Variants in GALNTL6 observed in about 807,000 individuals in gnomAD.
The protein encoded by GALNTL6 is polypeptide N-acetylgalactosaminyltransferase like 6, also known as polypeptide N-acetylgalactosaminyltransferase-like 6.
In GALNTL6, 46 loss-of-function variants were observed where a neutral mutation model predicts 73.7. The observed-to-expected ratio is 0.62, with a 90% CI of 0.49 to 0.80. GALNTL6 has a LOEUF of 0.80. Ranked by LOEUF, GALNTL6 falls within the 30% of genes least tolerant of loss-of-function variation. GALNTL6 has a pLI of 0.00. For synonymous variants in GALNTL6, 259 were observed against 263.7 expected, an observed-to-expected ratio of 0.98 and a Z score of 0.17; for missense variants, 604 against 755.0, an observed-to-expected ratio of 0.80 and a Z score of 2.34.
chr4:172,629,904 A>C (rs888022923), intron 5 of GALNTL6, among the ~76,000 whole-genome samples: 1 of 152,204 alleles, frequency 6.6e-6, no homozygotes. Context: ...TCACATTAAG[A>C]GATCATTTAA....
intron 5 of GALNTL6, among the ~76,000 whole-genome samples, chr4:172,387,305 G>T (rs551743948): frequency 6.6e-6 from 1 of 152,164 alleles, no homozygotes; most frequent in South Asian, 2.1e-4. Flanking sequence ...TCAGCCTAAG[G>T]TTTCTTTCTT....
At chr4:172,435,720 G>T (rs1048915145) in intron 5 of GALNTL6, among the ~76,000 whole-genome samples, 1 of 152,062 alleles carries the variant, frequency 6.6e-6, no homozygotes, top group East Asian at 1.9e-4. Flanking sequence ...TATTGTACAT[G>T]GGATATAACG....
At chr4:171,990,666 G>A (rs1280479754) in intron 2 of GALNTL6, among the ~76,000 whole-genome samples, 1 of 152,074 alleles carries the variant, frequency 6.6e-6, no homozygotes, top group African/African-American at 2.4e-5. Flanking sequence ...GTTAATGGGT[G>A]GATGGAATGC....
chr4:171,818,598 T>TCCTCTATG (rs1348833345), intron 2 of GALNTL6, among the ~76,000 whole-genome samples: 2 of 149,498 alleles, frequency 1.3e-5, no homozygotes, highest in Non-Finnish European at 3.0e-5. Context: ...AAAGCCTAGG[T>TCCTCTATG]CCTCTATGTC....
intron 4 of GALNTL6, among the ~76,000 whole-genome samples, chr4:172,313,456 G>A (rs890039126): frequency 6.6e-6 from 1 of 152,096 alleles, no homozygotes; most frequent in Admixed American, 6.6e-5. Context: ...ATCTCTTAAT[G>A]TGTATTCAAG....
intron 5 of GALNTL6, among the ~76,000 whole-genome samples, chr4:172,694,143 A>G (rs1173394269): frequency 1.4e-5 from 2 of 142,992 alleles, no homozygotes; most frequent in Admixed American, 1.4e-4. Flanking sequence ...TTTTTCTTTT[A>G]TTCTTTAAGT....
At chr4:171,871,834 G>A (rs1056608447) in intron 2 of GALNTL6, among the ~76,000 whole-genome samples, 2 of 152,126 alleles carry the variant, frequency 1.3e-5, no homozygotes, top group Non-Finnish European at 1.5e-5. Flanking sequence ...GTCAACATGA[G>A]CCTTCAAAAG....
At chr4:172,631,853 A>G (rs915433478) in intron 5 of GALNTL6, among the ~76,000 whole-genome samples, 1 of 152,274 alleles carries the variant, frequency 6.6e-6, no homozygotes, top group African/African-American at 2.4e-5. Flanking sequence ...TCACACTGAT[A>G]AAACCAAACA....
At chr4:171,838,938 C>T (rs192934644) in intron 2 of GALNTL6, among the ~76,000 whole-genome samples, 2 of 152,182 alleles carry the variant, frequency 1.3e-5, no homozygotes, top group Middle Eastern at 3.4e-3. Flanking sequence ...TGCTCTCTGC[C>T]GTCTAAAACC....
chr4:171,932,731 G>T (rs1226076757), intron 2 of GALNTL6, among the ~76,000 whole-genome samples: 1 of 152,014 alleles, frequency 6.6e-6, no homozygotes, highest in African/African-American at 2.4e-5. Flanking sequence ...AAATAGAATG[G>T]TATACACATC....
intron 2 of GALNTL6, among the ~76,000 whole-genome samples, chr4:171,964,022 C>A (rs1041968082): frequency 6.6e-6 from 1 of 152,172 alleles, no homozygotes; most frequent in Non-Finnish European, 1.5e-5. Flanking sequence ...ATAAAAGAAT[C>A]AAGCTTCCTC....
At chr4:172,451,723 G>A (rs543497186) in intron 5 of GALNTL6, among the ~76,000 whole-genome samples, 1 of 152,100 alleles carries the variant, frequency 6.6e-6, no homozygotes, top group Non-Finnish European at 1.5e-5. Flanking sequence ...GTATGTAAGT[G>A]GGCCAGGTGC....
At chr4:172,915,311 A>G (rs2653829) in intron 8 of GALNTL6, among the ~76,000 whole-genome samples, 41,897 of 152,062 alleles carry the variant, frequency 0.28, 8,265 homozygotes, top group African/African-American at 0.56. Context: ...ATGTAAAATC[A>G]ACACCCTAAC....
intron 5 of GALNTL6, among the ~76,000 whole-genome samples, chr4:172,709,163 T>G (rs1421446143): frequency 3.9e-5 from 6 of 152,276 alleles, no homozygotes; most frequent in Admixed American, 2.0e-4. Context: ...CCTTCTGGCC[T>G]TCTTGGTCTC....
chr4:171,826,723 A>G (rs1018734254), intron 2 of GALNTL6, among the ~76,000 whole-genome samples: 4 of 152,132 alleles, frequency 2.6e-5, no homozygotes, highest in African/African-American at 9.7e-5. Flanking sequence ...TCTTCATCTG[A>G]GAAGAGGTGG....
intron 5 of GALNTL6, among the ~76,000 whole-genome samples, chr4:172,558,929 T>G (rs1736242160): frequency 6.6e-6 from 1 of 152,152 alleles, no homozygotes; most frequent in Non-Finnish European, 1.5e-5. Flanking sequence ...CACCCTCTGG[T>G]GCCATTTGTT....
At chr4:172,595,871 G>C (rs1034227176) in intron 5 of GALNTL6, among the ~76,000 whole-genome samples, 3 of 151,912 alleles carry the variant, frequency 2.0e-5, no homozygotes, top group African/African-American at 7.3e-5. Flanking sequence ...AAATCAAATG[G>C]GAGAACACTT....
At chr4:171,930,182 C>G (rs1048743105) in intron 2 of GALNTL6, among the ~76,000 whole-genome samples, 5 of 152,266 alleles carry the variant, frequency 3.3e-5, no homozygotes, top group African/African-American at 9.6e-5. Flanking sequence ...CACGCGACAG[C>G]CTGTGGGTCC....
chr4:173,007,693 C>G (rs1051821813), intron 10 of GALNTL6, among the ~76,000 whole-genome samples: 1 of 152,086 alleles, frequency 6.6e-6, no homozygotes, highest in African/African-American at 2.4e-5. Context: ...GTAATCCCAG[C>G]TATTCAGGAG....
Sources: allele counts gnomAD v4.1 joint callset (sites outside exome capture counted in the v4.1 genomes callset), GRCh38; gene constraint gnomAD v4.1.1; transcripts MANE v1.5; gene names NCBI Gene and HGNC (gene_info 2026-07-23, HGNC 2026-07-21).